Variants in FBXO36 observed in about 807,000 individuals in gnomAD.
The protein encoded by FBXO36 is F-box only protein 36.
In FBXO36, 18 loss-of-function variants were observed where a neutral mutation model predicts 17.0. The observed-to-expected ratio is 1.06, with a 90% CI of 0.73 to 1.57. FBXO36 has a LOEUF of 1.57. FBXO36 is among the 40% of genes most tolerant of loss of function. The pLI, the probability that FBXO36 is intolerant of heterozygous loss-of-function variation, is 0.00. For missense variants in FBXO36, 229 were observed against 221.9 expected (o/e 1.03, Z -0.20); for synonymous variants, 83 against 85.3 (o/e 0.97, Z 0.15).
intron 1 of FBXO36, among the ~76,000 whole-genome samples, chr2:229,925,084 T>A (rs2076903708): frequency 1.3e-5 from 2 of 151,894 alleles, no homozygotes; most frequent in Non-Finnish European, 2.9e-5. Context: ...GTTCTTAATT[T>A]TTCTTTTTCT....
At chr2:229,975,761 C>A (rs776132095) in intron 1 of FBXO36, among the ~76,000 whole-genome samples, 1 of 149,670 alleles carries the variant, frequency 6.7e-6, no homozygotes, top group South Asian at 2.1e-4. Flanking sequence ...CAGATGTGAG[C>A]CACTATGCCC....
chr2:229,943,760 G>GA lies in FBXO36; in HGVS notation c.96+21153dup, dbSNP rs1482921470. Among the ~76,000 whole-genome samples the GA allele has an allele frequency of 2.0e-5, 3 of 152,242 alleles. No homozygotes were observed. In the East Asian group the frequency reaches 5.8e-4, roughly 29 times the overall value. On this transcript the variant is annotated intron_variant, in intron 1 of 3. Transcript: ENST00000283946. ...AAACTCCCTGAAGTGATTAGATATT[G>GA]AATCCCATGCCTAAGACAGAGTAGC...
chr2:230,003,667 G>A (rs184019526), intron 3 of FBXO36, among the ~76,000 whole-genome samples: 7 of 152,172 alleles, frequency 4.6e-5, no homozygotes, highest in South Asian at 2.1e-4. Flanking sequence ...CAAGTAGCTG[G>A]GACTACAAGC....
intron 1 of FBXO36, among the ~76,000 whole-genome samples, chr2:229,934,197 C>T (rs908355046): frequency 1.3e-5 from 2 of 151,856 alleles, no homozygotes; most frequent in Admixed American, 6.6e-5. Context: ...GTCAGGCGAT[C>T]GAGACCATCC....
chr2:229,965,970 G>T (rs1019988488), intron 1 of FBXO36, among the ~76,000 whole-genome samples: 1 of 152,176 alleles, frequency 6.6e-6, no homozygotes, highest in African/African-American at 2.4e-5. Context: ...TTCCACAATG[G>T]TTGAACTAGT....
intron 1 of FBXO36, among the ~76,000 whole-genome samples, chr2:229,954,172 T>C (rs955200703): frequency 6.6e-6 from 1 of 151,622 alleles, no homozygotes; most frequent in African/African-American, 2.4e-5. Context: ...CCTTATTTAA[T>C]TGATAACTTT....
In FBXO36 at chr2:229,990,953, C is replaced by T. The variant is rs574155467; in HGVS notation, c.206-5798C>T. Among the ~76,000 whole-genome samples the T allele has an allele frequency of 3.3e-5, 5 of 151,756 alleles. No individual in the cohort carries two copies. The South Asian group carries it at 1.0e-3, about 32-fold the overall frequency. The stretch of plus-strand genomic sequence containing the variant: ...TTTTCTTTCTTTTTTTTCCCCTCCC[C>T]CGCCCCGAGTTGGGAGTCTCACTCT... On this transcript the variant is annotated intron_variant, in intron 2 of 3. Coordinates refer to ENST00000283946, the MANE Select transcript of FBXO36 (RefSeq NM_174899.5).
intron 2 of FBXO36, among the ~76,000 whole-genome samples, chr2:229,978,218 G>C (rs981194997): frequency 6.6e-6 from 1 of 152,126 alleles, no homozygotes; most frequent in Non-Finnish European, 1.5e-5. Context: ...AGCCCAGGTG[G>C]TTGAGGCTCC....
At chr2:229,994,974 C>G (rs1242200833) in intron 2 of FBXO36, among the ~76,000 whole-genome samples, 1 of 152,008 alleles carries the variant, frequency 6.6e-6, no homozygotes, top group Non-Finnish European at 1.5e-5. Context: ...ATTAGCCGGG[C>G]ATGGTGGTGG....
At chr2:229,961,949 G>A (rs931089054) in intron 1 of FBXO36, among the ~76,000 whole-genome samples, 1 of 152,132 alleles carries the variant, frequency 6.6e-6, no homozygotes, top group African/African-American at 2.4e-5. Flanking sequence ...GGGAGGCAGA[G>A]CTGGGCCAAT....
At chr2:230,005,503 A>G (rs186223774) in intron 3 of FBXO36, among the ~76,000 whole-genome samples, 2 of 152,286 alleles carry the variant, frequency 1.3e-5, no homozygotes, top group East Asian at 3.9e-4. Flanking sequence ...TGTAGAAAAA[A>G]TTGCTAAGTG....
At chr2:229,940,911 T>C (rs979483618) in intron 1 of FBXO36, among the ~76,000 whole-genome samples, 1 of 152,144 alleles carries the variant, frequency 6.6e-6, no homozygotes, top group Admixed American at 6.5e-5. Context: ...GTAAAGCTAT[T>C]TGTGGCCCAC....
At chr2:229,952,076 ATTTT>A (rs938850634) in intron 1 of FBXO36, among the ~76,000 whole-genome samples, 7 of 152,164 alleles carry the variant, frequency 4.6e-5, no homozygotes, top group Non-Finnish European at 5.9e-5. Flanking sequence ...TTCATAAGTT[ATTTT>A]AATTACTGTA....
At chr2:229,954,617 A>C (rs1401062926) in intron 1 of FBXO36, among the ~76,000 whole-genome samples, 1 of 132,272 alleles carries the variant, frequency 7.6e-6, no homozygotes, top group Non-Finnish European at 1.5e-5. Context: ...GCGCGATCTC[A>C]GCTCACTGCA....
At chr2:229,926,123 CTT>C (rs2076910574) in intron 1 of FBXO36, among the ~76,000 whole-genome samples, 1 of 114,058 alleles carries the variant, frequency 8.8e-6, no homozygotes, top group Admixed American at 9.0e-5. Context: ...GACCCCTTCT[CTT>C]AAAAAAAAAA....
intron 1 of FBXO36, among the ~76,000 whole-genome samples, chr2:229,960,491 C>CG (rs759352307): frequency 6.0e-5 from 9 of 149,354 alleles, no homozygotes; most frequent in East Asian, 2.0e-4. Flanking sequence ...TTTTTTTGGG[C>CG]GGGGGGGCGG....
At chr2:229,987,894 A>G (rs2077277241) in intron 2 of FBXO36, among the ~76,000 whole-genome samples, 1 of 152,174 alleles carries the variant, frequency 6.6e-6, no homozygotes, top group Non-Finnish European at 1.5e-5. Context: ...TTGGCCTCCC[A>G]AAGTGCTGGG....
At chr2:229,956,883 G>C (rs1242881773) in intron 1 of FBXO36, among the ~76,000 whole-genome samples, 2 of 152,102 alleles carry the variant, frequency 1.3e-5, no homozygotes, top group African/African-American at 2.4e-5. Context: ...CAACACCCCT[G>C]GGGTCTCTTC....
chr2:230,009,442 G>A (rs1034174856), intron 3 of FBXO36, among the ~76,000 whole-genome samples: 2 of 152,206 alleles, frequency 1.3e-5, no homozygotes, highest in South Asian at 2.1e-4. Flanking sequence ...CTGCTGCAAG[G>A]ACATGGTTTC....
Sources: gnomAD v4.1 joint callset for allele counts (sites outside exome capture counted in the v4.1 genomes callset) on GRCh38, gnomAD v4.1.1 for gene constraint, MANE v1.5 for transcripts, NCBI Gene and HGNC (gene_info 2026-07-23, HGNC 2026-07-21) for gene names.